ANKFN1: variants seen among roughly 807,000 people sequenced by gnomAD.
The protein encoded by ANKFN1 is ankyrin repeat and fibronectin type-III domain-containing protein 1.
In ANKFN1, 74 loss-of-function variants were observed where a neutral mutation model predicts 108.7. That is an observed-to-expected ratio of 0.68 (90% CI 0.56 to 0.83). ANKFN1 has a LOEUF of 0.83. ANKFN1 is among the 40% of genes least tolerant of loss of function. The pLI is 0.00. For missense variants in ANKFN1, 1,505 were observed against 1,382.3 expected (o/e 1.09, Z -1.41); for synonymous variants, 547 against 516.2 (o/e 1.06, Z -0.81).
chr17:56,103,933 A>C (rs1346358392), intron 4 of ANKFN1, among the ~76,000 whole-genome samples: 2 of 152,138 alleles, frequency 1.3e-5, no homozygotes, highest in African/African-American at 4.8e-5. Context: ...TAAGATGGGG[A>C]GGAAAGGAGG....
chr17:56,206,126 T>C (rs184016778), intron 1 of ANKFN1, among the ~76,000 whole-genome samples: 1 of 152,344 alleles, frequency 6.6e-6, no homozygotes, highest in East Asian at 1.9e-4. Flanking sequence ...AAATTCATGA[T>C]AAAAAATTTT....
At chr17:56,148,124 C>T (rs145389704) in intron 4 of ANKFN1, among the ~76,000 whole-genome samples, 1,938 of 152,232 alleles carry the variant, frequency 0.013, 26 homozygotes, top group Middle Eastern at 0.048. Flanking sequence ...TTTCTTGTAG[C>T]TCTAAGATTT....
intron 1 of ANKFN1, among the ~76,000 whole-genome samples, chr17:56,176,899 C>T (rs1322885808): frequency 2.0e-5 from 3 of 152,174 alleles, no homozygotes; most frequent in Admixed American, 1.3e-4. Context: ...TATGGAGTCT[C>T]ACAGGACACA....
intron 3 of ANKFN1, among the ~76,000 whole-genome samples, chr17:56,308,247 AAAG>A (rs771684758): frequency 2.7e-4 from 40 of 150,362 alleles, no homozygotes; most frequent in Non-Finnish European, 3.4e-4. Flanking sequence ...TAAAAAAAAA[AAAG>A]AAGTTAAAGC....
At chr17:56,154,926 G>A (rs78976353) in intron 1 of ANKFN1, among the ~76,000 whole-genome samples, 1,546 of 152,236 alleles carry the variant, frequency 0.01, 19 homozygotes, top group Non-Finnish European at 0.014. Flanking sequence ...GCAGAACTTC[G>A]ACCATACTAT....
intron 1 of ANKFN1, chr17:56,174,231 C>T (rs913022023): frequency 3.0e-6 from 3 of 985,544 alleles, no homozygotes; most frequent in Non-Finnish European, 3.6e-6. Context: ...TTGCCAGCAG[C>T]TCTTCAAAGA....
At chr17:56,387,573 A>G (rs1422755950) in intron 8 of ANKFN1, among the ~76,000 whole-genome samples, 1 of 152,204 alleles carries the variant, frequency 6.6e-6, no homozygotes, top group East Asian at 1.9e-4. Context: ...GTGGCTAACT[A>G]CTGAATCAGT....
chr17:56,506,475 G>A (rs1373816213), intron 20 of ANKFN1, among the ~76,000 whole-genome samples: 1 of 152,032 alleles, frequency 6.6e-6, no homozygotes, highest in Non-Finnish European at 1.5e-5. Flanking sequence ...GCCACCAGAA[G>A]CTAGAAGAGG....
At chr17:56,372,929 G>C in intron 7 of ANKFN1, 89 bp downstream of exon 7, 2 of 1,325,424 alleles carry the variant, frequency 1.5e-6, no homozygotes, top group Admixed American at 4.6e-5. Flanking sequence ...TTTTTTTTCA[G>C]CTCTACAGAG....
intron 4 of ANKFN1, among the ~76,000 whole-genome samples, chr17:56,099,311 A>C (rs1905594753): frequency 6.6e-6 from 1 of 152,192 alleles, no homozygotes; most frequent in Non-Finnish European, 1.5e-5. Flanking sequence ...TCCTTCACTG[A>C]TGTTTCATGT....
chr17:56,156,603 T>A (rs1598152702), intron 1 of ANKFN1: 1 of 152,356 alleles, frequency 6.6e-6, no homozygotes, highest in Middle Eastern at 3.4e-3. Flanking sequence ...ATCCTCTTTA[T>A]ACCTTGCTCC....
intron 4 of ANKFN1, among the ~76,000 whole-genome samples, chr17:56,099,722 A>G (rs1905601975): frequency 6.6e-6 from 1 of 152,220 alleles, no homozygotes; most frequent in Non-Finnish European, 1.5e-5. Context: ...AAGATTAAAG[A>G]AAGTCTGTTC....
At chr17:56,071,701 A>G (rs1905123183) in intron 4 of ANKFN1, among the ~76,000 whole-genome samples, 1 of 152,226 alleles carries the variant, frequency 6.6e-6, no homozygotes, top group Non-Finnish European at 1.5e-5. Context: ...GTGTAACTTC[A>G]CACCTGTTCA....
intron 3 of ANKFN1, among the ~76,000 whole-genome samples, chr17:56,241,274 AAAAC>A (rs1567858579): frequency 1.3e-5 from 2 of 152,134 alleles, no homozygotes; most frequent in Admixed American, 6.6e-5. Flanking sequence ...ACCCTGTTCT[AAAAC>A]AAACAAACAA....
intron 4 of ANKFN1, among the ~76,000 whole-genome samples, chr17:56,094,581 G>A (rs1905488185): frequency 7.2e-6 from 1 of 139,228 alleles, no homozygotes; most frequent in African/African-American, 2.7e-5. Context: ...TCAGCTCACT[G>A]CAACCTCCGC....
Position 56,516,479 on chromosome 17 carries a change from C to T in ANKFN1, c.*5210C>T, listed in dbSNP as rs1013681531. 5.3e-5 allele frequency among the ~76,000 whole-genome samples: 8 copies of T among 152,130 alleles called. No homozygotes were observed. In the East Asian group the frequency reaches 1.2e-3, roughly 22 times the overall value. ...GTATGTTAAAGTTTAGACTTCAGTA[C>T]GCTATCTGCACAATTTTGTGTGCTT... On this transcript the variant is annotated 3_prime_UTR_variant, in exon 21 of 21. Transcript: ENST00000682825.
chr17:56,168,037 C>T (rs1220423909), intron 1 of ANKFN1, among the ~76,000 whole-genome samples: 6 of 152,016 alleles, frequency 3.9e-5, no homozygotes, highest in Admixed American at 6.6e-5. Flanking sequence ...GAGGCAAAGG[C>T]GGGCAGATCA....
In ANKFN1 at chr17:56,064,408, T is replaced by G. The variant is rs1272643827; in HGVS notation, c.288+18083T>G. 2.0e-5 allele frequency among the ~76,000 whole-genome samples: 3 copies of G among 152,184 alleles called. No homozygotes were observed. In the East Asian group the frequency reaches 5.8e-4, roughly 29 times the overall value. On this transcript the variant is annotated intron_variant, in intron 4 of 12. Coordinates refer to the ANKFN1 transcript ENST00000635860. ...GGCTCAGGCCCAGGGACATCTGGGT[T>G]CTGTCCCTGAGCCTCTGGCTGGAGT...
At chr17:56,095,747 T>A (rs924929487) in intron 4 of ANKFN1, among the ~76,000 whole-genome samples, 2 of 152,178 alleles carry the variant, frequency 1.3e-5, no homozygotes, top group African/African-American at 4.8e-5. Flanking sequence ...GTCACTGGGT[T>A]GGGCAGGCAT....
Sources: allele counts gnomAD v4.1 joint callset (sites outside exome capture counted in the v4.1 genomes callset), GRCh38; gene constraint gnomAD v4.1.1; transcripts MANE v1.5; gene names NCBI Gene and HGNC (gene_info 2026-07-23, HGNC 2026-07-21).